The following CCDC62 variants were observed in gnomAD, a reference collection of about 807,000 sequenced individuals.
CCDC62 encodes coiled-coil domain containing 62, also known as coiled-coil domain-containing protein 62.
CCDC62 carries 72 observed loss-of-function variants against 80.8 expected under a neutral mutation model. That is an observed-to-expected ratio of 0.89 (90% confidence interval 0.74 to 1.08). The LOEUF (loss-of-function observed/expected upper bound fraction) is 1.08, where lower values mean the gene tolerates loss of function less well. CCDC62 is among the 50% of genes least tolerant of loss of function. The probability of loss-of-function intolerance (pLI) is 0.00; values close to 1 mark genes in which losing one functional copy is unlikely to be tolerated. For missense variants in CCDC62, 704 were observed against 809.4 expected (o/e 0.87, Z 1.58); for synonymous variants, 286 against 296.5 (o/e 0.96, Z 0.36).
intron 12 of CCDC62, 119 bp from the exon 13 acceptor site, chr12:122,826,303 G>T: frequency 7.1e-6 from 4 of 565,126 alleles, no homozygotes; most frequent in South Asian, 4.7e-5. Flanking sequence ...TGCATGTCCT[G>T]ATGTTGATGA....
chr12:122,797,097 C>A (rs184977979), intron 6 of CCDC62, among the ~76,000 whole-genome samples: 1 of 152,014 alleles, frequency 6.6e-6, no homozygotes, highest in African/African-American at 2.4e-5. Flanking sequence ...AGGCCAGTCT[C>A]GAACTCTTGA....
chr12:122,819,986 C>T (rs1297966406), intron 11 of CCDC62, among the ~76,000 whole-genome samples: 3 of 132,556 alleles, frequency 2.3e-5, no homozygotes, highest in African/African-American at 8.6e-5. Flanking sequence ...TGCTTGAGCC[C>T]AGGAATTTGA....
In CCDC62 at chr12:122,801,350, G is replaced by C; in HGVS notation, c.1204G>C (p.Asp402His). 1 of 1,614,150 alleles carries C rather than the reference G, an allele frequency of 6.2e-7. No homozygotes were observed. Among genetic ancestry groups the C allele is most frequent in the Non-Finnish European group, 8.5e-7 (1 of 1,180,032 alleles). ...TACGCTGTCATCCATATTCACCAAA[G>C]ACTTAGTAGAGAAACACAACCTCCC... Reference protein sequence around the residue: ...VITLSSIFTKDLVEKHNLPWS... With the variant: ...VITLSSIFTKHLVEKHNLPWS... The change falls in exon 9 of 13, where the codon GAC becomes CAC. Residue 402 changes from aspartate to histidine, a missense_variant. Transcript: ENST00000253079.
At chr12:122,785,533 T>C (rs949848969) in intron 3 of CCDC62, among the ~76,000 whole-genome samples, 186 bp from the exon 4 acceptor site, 2 of 152,252 alleles carry the variant, frequency 1.3e-5, no homozygotes, top group Non-Finnish European at 1.5e-5. Context: ...GACTGCTTTC[T>C]TAGGCCACTT....
chr12:122,804,224 G>C (rs1455998781), intron 9 of CCDC62, among the ~76,000 whole-genome samples: 1 of 152,102 alleles, frequency 6.6e-6, no homozygotes, highest in Non-Finnish European at 1.5e-5. Flanking sequence ...TAGTGCCTCT[G>C]GTCTGTTCCA....
chr12:122,776,031 T>C (rs185109578), intron 1 of CCDC62, among the ~76,000 whole-genome samples: 5 of 152,362 alleles, frequency 3.3e-5, no homozygotes, highest in Non-Finnish European at 2.9e-5. Context: ...AGTAACACTT[T>C]TAGTTGTTTA....
At chr12:122,815,489 A>C (rs1421489300) in intron 11 of CCDC62, among the ~76,000 whole-genome samples, 2 of 151,092 alleles carry the variant, frequency 1.3e-5, no homozygotes, top group Non-Finnish European at 2.9e-5. Context: ...TCTGTCGCCC[A>C]GGCCTTGGTG....
intron 4 of CCDC62, 59 bp from the exon 5 acceptor site, chr12:122,788,699 C>A: frequency 9.2e-7 from 1 of 1,089,802 alleles, no homozygotes; most frequent in East Asian, 2.4e-5. Context: ...GTTATCTTTT[C>A]TTCTTGGTTA....
At chr12:122,823,848 C>T (rs564742281) in intron 12 of CCDC62, among the ~76,000 whole-genome samples, 1 of 151,576 alleles carries the variant, frequency 6.6e-6, no homozygotes, top group African/African-American at 2.4e-5. Flanking sequence ...TAGCCAGGCG[C>T]GGTAGTGGGC....
chr12:122,777,725 T>C (rs751303201), intron 2 of CCDC62, 42 bp downstream of exon 2: 14 of 1,547,620 alleles, frequency 9.0e-6, no homozygotes, highest in Admixed American at 5.1e-5. Context: ...CACTTCTGTG[T>C]GCTAACACAT....
chr12:122,827,190 G>T lies in CCDC62; in HGVS notation c.*809G>T, dbSNP rs1292416777. The T allele has an allele frequency of 2.0e-5, 3 of 152,184 alleles. No homozygotes were observed. In the East Asian group the frequency reaches 5.8e-4, roughly 29 times the overall value. 9.4% of individuals were successfully genotyped at this position (152,184 alleles called of 1,614,324 possible). On this transcript the variant is annotated 3_prime_UTR_variant, in exon 13 of 13. Coordinates refer to ENST00000253079, the MANE Select transcript of CCDC62 (RefSeq NM_201435.5). ...AATAGATCAACTTCAGTCCATAAAA[G>T]ATATTTTTAATATTAAAGAAAAAAT... is the stretch of plus-strand genomic sequence containing the variant.
intron 9 of CCDC62, among the ~76,000 whole-genome samples, chr12:122,802,170 G>A (rs1048323316): frequency 1.3e-5 from 2 of 152,144 alleles, no homozygotes; most frequent in Non-Finnish European, 2.9e-5. Flanking sequence ...CGGGTGGATC[G>A]CTGCACAGAG....
chr12:122,791,995 A>G, intron 5 of CCDC62, 25 bp from the exon 6 acceptor site: 2 of 1,501,002 alleles, frequency 1.3e-6, no homozygotes, highest in Non-Finnish European at 1.9e-6. Flanking sequence ...TTATTTGAGG[A>G]CTTTCTTTTT....
At chr12:122,806,739 C>T (rs568006871) in intron 10 of CCDC62, among the ~76,000 whole-genome samples, 7 of 151,502 alleles carry the variant, frequency 4.6e-5, no homozygotes, top group Admixed American at 4.6e-4. Context: ...CTTGGCCTCC[C>T]AAAGTGTGCT....
chr12:122,791,608 C>G (rs1424120752), intron 5 of CCDC62, among the ~76,000 whole-genome samples: 3 of 151,526 alleles, frequency 2.0e-5, no homozygotes, highest in Non-Finnish European at 4.4e-5. Context: ...GCCACCACAC[C>G]CAGCTAATTT....
chr12:122,798,417 A>G (rs541400471), intron 8 of CCDC62, among the ~76,000 whole-genome samples: 21 of 152,142 alleles, frequency 1.4e-4, no homozygotes, highest in African/African-American at 5.1e-4. Context: ...AGCCTGGCCA[A>G]CATGGTGAAA....
chr12:122,774,945 T>A (rs1199684904), intron 1 of CCDC62, among the ~76,000 whole-genome samples: 5 of 146,936 alleles, frequency 3.4e-5, no homozygotes, highest in African/African-American at 1.0e-4. Flanking sequence ...AAAAAAAAAA[T>A]TAGCCGGGCG....
rs774175442 is a variant in CCDC62 at position 122,788,899 on chromosome 12, G to A, written c.640G>A (p.Ala214Thr). Residue 214 changes from alanine (A) to threonine (T), a missense_variant, in exon 5 of 13, where the codon GCA (alanine) becomes ACA (threonine). Transcript: ENST00000253079. The part of the protein sequence containing the change: ...EKQDYKQKLK[A>T]LKIEVNKLKE... The stretch of plus-strand genomic sequence containing the variant: ...GCAAGATTATAAGCAGAAATTGAAG[G>A]CACTTAAGATTGAAGTCAACAAACT... 28 of 1,604,280 alleles carry A rather than the reference G, an allele frequency of 1.7e-5. No individual in the cohort carries two copies. Among genetic ancestry groups the A allele is most frequent in the Admixed American group, 3.5e-5 (2 of 56,598 alleles).
chr12:122,774,654 G>C lies in CCDC62; in HGVS notation c.-17G>C, dbSNP rs978427559. 2 of 1,248,968 alleles carry C rather than the reference G, an allele frequency of 1.6e-6. No homozygotes were observed. The highest frequency in any genetic ancestry group is 4.0e-5 in the South Asian group (1 of 25,292). The allele number at this position is 1,248,968 out of a possible 1,614,324, so 77.4% of individuals were successfully genotyped here. A position where few individuals can be genotyped will look rare whatever the true frequency, so the allele number is the denominator to read the frequency against. ...CGCCGCCCACACCGGGCTTCTCCGG[G>C]GGCGGAGGAAACACCTATGAACCCT... is the stretch of plus-strand genomic sequence containing the variant. On this transcript the variant is annotated 5_prime_UTR_variant, in exon 1 of 13. Coordinates refer to ENST00000253079, the MANE Select transcript of CCDC62 (RefSeq NM_201435.5).
Sources: allele counts gnomAD v4.1 joint callset (sites outside exome capture counted in the v4.1 genomes callset), GRCh38; gene constraint gnomAD v4.1.1; transcripts MANE v1.5; gene names NCBI Gene and HGNC (gene_info 2026-07-23, HGNC 2026-07-21).